SHISA6: variants seen among roughly 807,000 people sequenced by gnomAD.
The protein encoded by SHISA6 is shisa family member 6, also known as protein shisa-6.
Under a neutral mutation model 47.9 loss-of-function variants are expected in SHISA6, and 22 were observed. The observed-to-expected ratio is 0.46, with a 90% CI of 0.33 to 0.66. The LOEUF is 0.66. SHISA6 is among the 30% of genes least tolerant of loss of function. The pLI is 0.02. For missense variants in SHISA6, 680 were observed against 764.6 expected, an observed-to-expected ratio of 0.89 and a Z score of 1.30; for synonymous variants, 388 against 337.8, an observed-to-expected ratio of 1.15 and a Z score of -1.63.
intron 3 of SHISA6, among the ~76,000 whole-genome samples, chr17:11,510,341 G>T (rs1258080190): frequency 1.3e-5 from 2 of 152,132 alleles, no homozygotes; most frequent in East Asian, 3.9e-4. Flanking sequence ...TGCCTGAGTG[G>T]TCCTGGGTCC....
chr17:11,270,054 CA>C (rs1471929682), intron 2 of SHISA6, among the ~76,000 whole-genome samples: 33 of 152,316 alleles, frequency 2.2e-4, no homozygotes, highest in African/African-American at 7.7e-4. Flanking sequence ...CAGCTCACTG[CA>C]ACCTCCACCT....
chr17:11,369,217 G>A (rs1912548138), intron 2 of SHISA6, among the ~76,000 whole-genome samples: 2 of 152,130 alleles, frequency 1.3e-5, no homozygotes, highest in South Asian at 4.1e-4. Context: ...AGAAAGACAG[G>A]GAATTTAGAG....
chr17:11,303,929 C>T (rs1210916577), intron 2 of SHISA6, among the ~76,000 whole-genome samples: 3 of 152,088 alleles, frequency 2.0e-5, no homozygotes, highest in Admixed American at 1.3e-4. Flanking sequence ...GGCAGGTGCC[C>T]GAGAAGAGGC....
At chr17:11,284,955 T>G (rs1412455828) in intron 2 of SHISA6, among the ~76,000 whole-genome samples, 1 of 152,204 alleles carries the variant, frequency 6.6e-6, no homozygotes, top group South Asian at 2.1e-4. Context: ...ATTCTTTGGT[T>G]TCTTAACTGA....
At chr17:11,526,966 A>G (rs959069937) in intron 3 of SHISA6, among the ~76,000 whole-genome samples, 5 of 94,118 alleles carry the variant, frequency 5.3e-5, no homozygotes, top group African/African-American at 8.1e-5. Context: ...TATTTAGGCT[A>G]TCCATCGCCT....
intron 3 of SHISA6, among the ~76,000 whole-genome samples, chr17:11,454,190 A>G (rs78567914): frequency 6.6e-6 from 1 of 152,040 alleles, no homozygotes; most frequent in Admixed American, 6.6e-5. Context: ...CCCATATTCA[A>G]TCTATTTCTG....
intron 1 of SHISA6, among the ~76,000 whole-genome samples, chr17:11,255,383 G>C (rs1907969067): frequency 6.6e-6 from 1 of 152,098 alleles, no homozygotes; most frequent in East Asian, 1.9e-4. Context: ...GAGAGGGAGG[G>C]AGAAAGAATA....
chr17:11,341,907 T>TG (rs35048459), intron 2 of SHISA6, among the ~76,000 whole-genome samples: 1 of 152,170 alleles, frequency 6.6e-6, no homozygotes, highest in African/African-American at 2.4e-5. Context: ...CCTTCCAACA[T>TG]GGAGTTTTCC....
At chr17:11,527,830 G>C (rs1270921455) in intron 3 of SHISA6, among the ~76,000 whole-genome samples, 1 of 152,094 alleles carries the variant, frequency 6.6e-6, no homozygotes, top group African/African-American at 2.4e-5. Flanking sequence ...GTCAACTCTT[G>C]ATACAGAACA....
chr17:11,558,258 G>A lies in SHISA6; in HGVS notation c.1610G>A (p.Gly537Asp). ...NTVEQLHYIP[G>D]HHTCYTASKT... ...GTGGAGCAGCTGCACTACATCCCGG[G>A]CCACCACACCTGCTACACAGCCAGC... Residue 537 changes from glycine to aspartate, a missense_variant, in exon 6 of 6, where the codon GGC becomes GAC. Physicochemically the swap from Gly to Asp is moderately conservative, Grantham distance 94. Transcript: ENST00000441885. 1 of 1,539,722 alleles carries A rather than the reference G, an allele frequency of 6.5e-7. No individual in the cohort carries two copies. Among genetic ancestry groups the A allele is most frequent in the Non-Finnish European group, 8.7e-7 (1 of 1,146,920 alleles).
At chr17:11,262,637 C>A (rs566950351) in intron 1 of SHISA6, among the ~76,000 whole-genome samples, 1 of 152,182 alleles carries the variant, frequency 6.6e-6, no homozygotes, top group Admixed American at 6.5e-5. Flanking sequence ...TGAAGCTAGG[C>A]GCTGAGTTAA....
chr17:11,411,465 C>A (rs1339046961), intron 3 of SHISA6, among the ~76,000 whole-genome samples: 1 of 149,160 alleles, frequency 6.7e-6, no homozygotes, highest in Non-Finnish European at 1.5e-5. Flanking sequence ...GGCGTGATCT[C>A]GGCTCACTGC....
intron 3 of SHISA6, among the ~76,000 whole-genome samples, chr17:11,381,992 A>G (rs1354189764): frequency 6.6e-6 from 1 of 152,142 alleles, no homozygotes; most frequent in Non-Finnish European, 1.5e-5. Flanking sequence ...CTAAAGTTTC[A>G]AGAACAAAGA....
intron 2 of SHISA6, among the ~76,000 whole-genome samples, chr17:11,371,878 G>A (rs1047211406): frequency 2.6e-5 from 4 of 152,002 alleles, no homozygotes; most frequent in African/African-American, 7.2e-5. Context: ...CCTCCCATCA[G>A]CCCCACCCCT....
chr17:11,524,059 AGAAAGAAAGAT>A (rs2071654812), intron 3 of SHISA6, among the ~76,000 whole-genome samples: 1 of 150,918 alleles, frequency 6.6e-6, no homozygotes, highest in South Asian at 2.1e-4. Context: ...AAAAGAAGAA[AGAAAGAAAGAT>A]GAAAGAAAGA....
chr17:11,291,750 C>A (rs1238789798), intron 2 of SHISA6, among the ~76,000 whole-genome samples: 3 of 152,108 alleles, frequency 2.0e-5, no homozygotes, highest in Admixed American at 1.3e-4. Context: ...AGGCCTCTCT[C>A]CCGGACTTGT....
chr17:11,372,311 T>C (rs1045756307), intron 2 of SHISA6, among the ~76,000 whole-genome samples: 20 of 152,130 alleles, frequency 1.3e-4, no homozygotes, highest in African/African-American at 4.8e-4. Context: ...GGAAAATAGG[T>C]CAAAGGCATG....
At position 11,413,863 on chromosome 17, in the gene SHISA6, C is replaced by T. The variant is rs1914206354; in HGVS notation, c.895+34354C>T. On this transcript the variant is annotated intron_variant, in intron 3 of 5. Coordinates refer to ENST00000441885, the MANE Select transcript of SHISA6 (RefSeq NM_207386.4). ...AGAGGTGGAAAAATAGATCCCATCTCCTGATGGGAGGCGCTGCGCAGTCAC... is the reference window on the plus strand; with the variant it reads ...AGAGGTGGAAAAATAGATCCCATCTTCTGATGGGAGGCGCTGCGCAGTCAC... 2.0e-5 allele frequency among the ~76,000 whole-genome samples: 3 copies of T among 152,142 alleles called. No individual in the cohort carries two copies. In the South Asian group the frequency reaches 6.2e-4, roughly 32 times the overall value.
intron 2 of SHISA6, among the ~76,000 whole-genome samples, chr17:11,276,662 A>T (rs748409825): frequency 6.6e-6 from 1 of 151,994 alleles, no homozygotes; most frequent in Non-Finnish European, 1.5e-5. Flanking sequence ...CACCATGACC[A>T]TCACCACTGC....
Sources: allele counts gnomAD v4.1 joint callset (sites outside exome capture counted in the v4.1 genomes callset), GRCh38; gene constraint gnomAD v4.1.1; transcripts MANE v1.5; gene names NCBI Gene and HGNC (gene_info 2026-07-23, HGNC 2026-07-21).